SLC4A7: variants seen among roughly 807,000 people sequenced by gnomAD.
The protein encoded by SLC4A7 is solute carrier family 4 member 7, also known as sodium bicarbonate cotransporter 3.
A neutral mutation model predicts 137.6 loss-of-function variants in SLC4A7; 51 were observed. The ratio of observed to expected loss-of-function variants is 0.37; its 90% CI spans 0.30 to 0.47. SLC4A7 has a LOEUF of 0.47. Among genes scored for constraint, SLC4A7 ranks in the 20% least tolerant of loss-of-function variants. The pLI is 1.00. For missense variants in SLC4A7, 1,247 were observed against 1,525.4 expected (o/e 0.82, Z 3.04); for synonymous variants, 542 against 518.6 (o/e 1.05, Z -0.61).
chr3:27,479,819 G>A (rs890568800), intron 1 of SLC4A7, among the ~76,000 whole-genome samples: 1 of 152,154 alleles, frequency 6.6e-6, no homozygotes, highest in Admixed American at 6.6e-5. Flanking sequence ...CAAATCAAAA[G>A]CTATACTGAT....
At position 27,402,345 on chromosome 3, in the gene SLC4A7, CT is replaced by C. The variant is rs374719875; in HGVS notation, c.2321+793del. On this transcript the variant is annotated intron_variant, in intron 15 of 25. Coordinates refer to ENST00000454389, the MANE Select transcript of SLC4A7 (RefSeq NM_001321103.2). ...AGAATTTAAAAAGATTTTCATTGCA[CT>C]TTTTTTTTTATCAAAACGAAAACAC... 3.3e-3 allele frequency among the ~76,000 whole-genome samples: 489 copies of C among 149,212 alleles called. 4 individuals carry two copies. Among genetic ancestry groups the C allele is most frequent in the East Asian group, 8.8e-3 (45 of 5,130 alleles).
At chr3:27,451,767 C>A (rs1302358400) in intron 2 of SLC4A7, among the ~76,000 whole-genome samples, 1 of 152,058 alleles carries the variant, frequency 6.6e-6, no homozygotes, top group Non-Finnish European at 1.5e-5. Flanking sequence ...TAGTCAGATT[C>A]TAATTAAATT....
intron 13 of SLC4A7, among the ~76,000 whole-genome samples, chr3:27,408,833 CAT>C (rs1282646564): frequency 1.3e-5 from 2 of 152,182 alleles, no homozygotes; most frequent in Non-Finnish European, 2.9e-5. Context: ...GCTATTTTCA[CAT>C]AGACTTAATA....
chr3:27,398,971 G>A (rs917211645), intron 16 of SLC4A7, among the ~76,000 whole-genome samples: 2 of 149,308 alleles, frequency 1.3e-5, no homozygotes, highest in African/African-American at 4.9e-5. Context: ...ATAATAAAAT[G>A]CAATTATAGA....
At chr3:27,454,018 C>T (rs2058253000) in intron 1 of SLC4A7, among the ~76,000 whole-genome samples, 1 of 152,090 alleles carries the variant, frequency 6.6e-6, no homozygotes, top group Non-Finnish European at 1.5e-5. Context: ...ATACAATGGA[C>T]TAAGAAGATG....
At chr3:27,429,457 C>A (rs753509849) in intron 7 of SLC4A7, among the ~76,000 whole-genome samples, 1 of 151,874 alleles carries the variant, frequency 6.6e-6, no homozygotes, top group African/African-American at 2.4e-5. Context: ...AACATAAATC[C>A]GAGTCTGTAT....
intron 12 of SLC4A7, among the ~76,000 whole-genome samples, chr3:27,410,043 T>A (rs191442991): frequency 2.0e-5 from 3 of 152,312 alleles, no homozygotes; most frequent in Non-Finnish European, 4.4e-5. Context: ...AAACTAGTAC[T>A]TCAATCGTAT....
At chr3:27,384,976 C>T (rs2050790807) in intron 23 of SLC4A7, among the ~76,000 whole-genome samples, 1 of 151,992 alleles carries the variant, frequency 6.6e-6, no homozygotes, top group South Asian at 2.1e-4. Flanking sequence ...TACGTATTTA[C>T]ATATATAACT....
chr3:27,408,177 A>G (rs2053565133), intron 13 of SLC4A7, among the ~76,000 whole-genome samples: 1 of 152,198 alleles, frequency 6.6e-6, no homozygotes, highest in African/African-American at 2.4e-5. Context: ...GACAGGAGAT[A>G]CTGGCTCTTC....
chr3:27,446,126 G>A lies in SLC4A7; in HGVS notation c.289+2525C>T, dbSNP rs201371097. ...GATAATCATTTAACTATGTGTGTGT[G>A]TATATATATATATAAAAATCATACT... is the stretch of plus-strand genomic sequence containing the variant. On this transcript the variant is annotated intron_variant, in intron 3 of 25. Coordinates refer to ENST00000454389, the MANE Select transcript of SLC4A7 (RefSeq NM_001321103.2). Among the ~76,000 whole-genome samples, 6 of 109,158 alleles carry A rather than the reference G, an allele frequency of 5.5e-5. No homozygotes were observed. The East Asian group carries it at 3.3e-3, about 61-fold the overall frequency. 71.6% of individuals were successfully genotyped at this position (109,158 alleles called of 152,430 possible).
chr3:27,401,989 C>T (rs1026445781), intron 15 of SLC4A7, among the ~76,000 whole-genome samples: 1 of 152,080 alleles, frequency 6.6e-6, no homozygotes, highest in Non-Finnish European at 1.5e-5. Context: ...ATTTTCATAC[C>T]CTCTTTATTC....
intron 5 of SLC4A7, among the ~76,000 whole-genome samples, chr3:27,434,390 C>G (rs1402273881): frequency 3.3e-5 from 5 of 152,184 alleles, no homozygotes; most frequent in African/African-American, 1.2e-4. Context: ...ACAATAAATT[C>G]TATTAAGCTG....
intron 5 of SLC4A7, among the ~76,000 whole-genome samples, chr3:27,435,173 A>AT (rs1389937365): frequency 2.6e-5 from 4 of 152,178 alleles, no homozygotes; most frequent in Non-Finnish European, 5.9e-5. Context: ...AATACTACAG[A>AT]TTTTTTGTTT....
chr3:27,470,391 C>T (rs1355217459), intron 1 of SLC4A7, among the ~76,000 whole-genome samples: 2 of 151,412 alleles, frequency 1.3e-5, no homozygotes, highest in Non-Finnish European at 2.9e-5. Flanking sequence ...GTTAAATTTG[C>T]CAAAATAAAA....
At chr3:27,479,378 C>T (rs1243049635) in intron 1 of SLC4A7, among the ~76,000 whole-genome samples, 1 of 151,462 alleles carries the variant, frequency 6.6e-6, no homozygotes, top group Non-Finnish European at 1.5e-5. Context: ...GGTACCACTG[C>T]ACTTCAGCCT....
Position 27,379,275 on chromosome 3 carries a change from A to ATG in SLC4A7, c.3671_3672insCA (p.Ala1225MetfsTer4). On this transcript the variant is annotated frameshift_variant, in exon 25 of 26. Transcript: ENST00000454389. LOFTEE classifies it high-confidence loss of function. ...TCATGTTAGATCTGGTTACTTTGGCATTCTCAGTATTCATGGAAAGTGCCT... is the reference window on the plus strand; with the variant it reads ...TCATGTTAGATCTGGTTACTTTGGCATGTTCTCAGTATTCATGGAAAGTGCCT... The ATG allele has an allele frequency of 1.3e-6, 2 of 1,534,328 alleles. No individual in the cohort carries two copies. Among genetic ancestry groups the ATG allele is most frequent in the Non-Finnish European group, 1.7e-6 (2 of 1,145,208 alleles).
intron 23 of SLC4A7, among the ~76,000 whole-genome samples, chr3:27,383,679 A>C (rs1003824031): frequency 2.0e-5 from 3 of 152,188 alleles, no homozygotes; most frequent in Non-Finnish European, 4.4e-5. Flanking sequence ...TTTGTAGTAG[A>C]AGTCCTGTGT....
At chr3:27,465,145 G>T (rs990225737) in intron 1 of SLC4A7, among the ~76,000 whole-genome samples, 1 of 151,604 alleles carries the variant, frequency 6.6e-6, no homozygotes, top group Non-Finnish European at 1.5e-5. Flanking sequence ...CCAAAAACAC[G>T]AAAATTATCC....
At chr3:27,395,197 C>A in intron 18 of SLC4A7, 82 bp from the exon 19 acceptor site, 1 of 883,848 alleles carries the variant, frequency 1.1e-6, no homozygotes, top group Non-Finnish European at 1.6e-6. Context: ...TTGATCTGTT[C>A]CAAGAAATAC....
Sources: gnomAD v4.1 joint callset for allele counts (sites outside exome capture counted in the v4.1 genomes callset) on GRCh38, gnomAD v4.1.1 for gene constraint, MANE v1.5 for transcripts, NCBI Gene and HGNC (gene_info 2026-07-23, HGNC 2026-07-21) for gene names.